Variants in GIPC2 observed in about 807,000 individuals in gnomAD.
GIPC2 encodes PDZ domain-containing protein GIPC2.
Under a neutral mutation model 30.6 loss-of-function variants are expected in GIPC2, and 30 were observed. The ratio of observed to expected loss-of-function variants is 0.98; its 90% CI spans 0.73 to 1.33. The LOEUF (loss-of-function observed/expected upper bound fraction) is 1.33. GIPC2 is among the 40% of genes most tolerant of loss of function. The pLI is 0.00. For synonymous variants in GIPC2, 167 were observed against 150.0 expected, an observed-to-expected ratio of 1.11 and a Z score of -0.83; for missense variants, 414 against 390.3, an observed-to-expected ratio of 1.06 and a Z score of -0.51.
chr1:78,051,157 C>T (rs1661190724), intron 1 of GIPC2, among the ~76,000 whole-genome samples: 1 of 151,320 alleles, frequency 6.6e-6, no homozygotes, highest in Non-Finnish European at 1.5e-5. Context: ...AAGAACCCCA[C>T]TTTGCTCAAT....
At chr1:78,069,946 C>G (rs774935021) in intron 1 of GIPC2, among the ~76,000 whole-genome samples, 1 of 152,118 alleles carries the variant, frequency 6.6e-6, no homozygotes, top group Non-Finnish European at 1.5e-5. Context: ...CTGTCTTCCC[C>G]CATCACTCCC....
At chr1:78,112,573 C>T (rs1421901478) in intron 3 of GIPC2, 13 of 518,660 alleles carry the variant, frequency 2.5e-5, no homozygotes, top group South Asian at 9.8e-5. Context: ...AACAAGGCCT[C>T]GTTCTGTGCG....
At chr1:78,048,203 G>A (rs1661130865) in intron 1 of GIPC2, among the ~76,000 whole-genome samples, 1 of 152,038 alleles carries the variant, frequency 6.6e-6, no homozygotes, top group Non-Finnish European at 1.5e-5. Context: ...TGTGTATTTT[G>A]CATTAACACT....
chr1:78,112,160 A>C (rs1000950322), intron 3 of GIPC2, among the ~76,000 whole-genome samples: 1 of 152,250 alleles, frequency 6.6e-6, no homozygotes, highest in Non-Finnish European at 1.5e-5. Context: ...CTAATCAGAA[A>C]TATTAGAACA....
At chr1:78,115,769 G>T (rs1022546887) in intron 3 of GIPC2, among the ~76,000 whole-genome samples, 1 of 152,180 alleles carries the variant, frequency 6.6e-6, no homozygotes, top group African/African-American at 2.4e-5. Flanking sequence ...TAGGTTTTTG[G>T]TTAGGCGGGG....
At chr1:78,128,906 G>T (rs551535775) in intron 5 of GIPC2, among the ~76,000 whole-genome samples, 1 of 152,132 alleles carries the variant, frequency 6.6e-6, no homozygotes, top group East Asian at 1.9e-4. Flanking sequence ...TTGAGAGTCT[G>T]AGGCAGGAGG....
intron 1 of GIPC2, among the ~76,000 whole-genome samples, chr1:78,071,417 G>T (rs1661615335): frequency 6.6e-6 from 1 of 151,544 alleles, no homozygotes; most frequent in Admixed American, 6.6e-5. Context: ...TTTATTAAAT[G>T]AACACAATAT....
intron 2 of GIPC2, among the ~76,000 whole-genome samples, chr1:78,088,230 CA>C (rs1661968102): frequency 6.6e-6 from 1 of 152,220 alleles, no homozygotes; most frequent in Non-Finnish European, 1.5e-5. Flanking sequence ...CCATTTGACT[CA>C]GCAATCCCAT....
intron 2 of GIPC2, chr1:78,092,064 C>T (rs1251273865): frequency 4.6e-6 from 7 of 1,517,192 alleles, no homozygotes; most frequent in Non-Finnish European, 6.4e-6. Flanking sequence ...TAGACCATGT[C>T]AGCTTCACCC....
upstream of GIPC2, chr1:78,045,516 G>A (rs771137028): frequency 1.0e-5 from 10 of 978,694 alleles, no homozygotes; most frequent in Non-Finnish European, 1.2e-5. Context: ...ACTCAGAGGT[G>A]CCAAGGACCC....
chr1:78,083,560 T>C (rs1661871277), intron 2 of GIPC2, among the ~76,000 whole-genome samples: 1 of 152,176 alleles, frequency 6.6e-6, no homozygotes, highest in Admixed American at 6.5e-5. Context: ...AAATTTAGTA[T>C]CTGTTGATGA....
intron 1 of GIPC2, among the ~76,000 whole-genome samples, chr1:78,071,808 T>C (rs1300240815): frequency 1.3e-5 from 2 of 152,222 alleles, no homozygotes; most frequent in Admixed American, 6.5e-5. Context: ...GAATTCTAGT[T>C]CTGACTTTGT....
intron 1 of GIPC2, among the ~76,000 whole-genome samples, chr1:78,047,616 G>C (rs1661119699): frequency 6.6e-6 from 1 of 152,070 alleles, no homozygotes; most frequent in Non-Finnish European, 1.5e-5. Context: ...CTTGGACATG[G>C]AGCCAGGTTC....
chr1:78,106,720 GC>G (rs1024379991), intron 3 of GIPC2, among the ~76,000 whole-genome samples: 2 of 152,256 alleles, frequency 1.3e-5, no homozygotes, highest in Admixed American at 1.3e-4. Context: ...CGTTCTTGTT[GC>G]CCAGGGTGGA....
chr1:78,060,845 GTAGA>G (rs750259470), intron 1 of GIPC2, among the ~76,000 whole-genome samples: 13 of 151,370 alleles, frequency 8.6e-5, no homozygotes, highest in African/African-American at 1.7e-4. Context: ...AGATAGATAG[GTAGA>G]TAGATAAACA....
rs915888184 is a variant in GIPC2 at position 78,138,411 on chromosome 1, G to C, written c.*2668G>C. On this transcript the variant is annotated 3_prime_UTR_variant, in exon 6 of 6. Coordinates refer to ENST00000370759, the MANE Select transcript of GIPC2 (RefSeq NM_017655.6). Reference sequence around the variant, plus strand: ...TGTATAATTTGCAATATTTTCCCTTGCAACTTTAGCAAATACACATATTCC... The same window carrying C: ...TGTATAATTTGCAATATTTTCCCTTCCAACTTTAGCAAATACACATATTCC... 2 of 152,112 alleles carry C rather than the reference G, an allele frequency of 1.3e-5. No homozygotes were observed. Among genetic ancestry groups the C allele is most frequent in the Non-Finnish European group, 2.9e-5 (2 of 68,032 alleles). 9.4% of individuals were successfully genotyped at this position (152,112 alleles called of 1,614,324 possible).
chr1:78,060,900 CTT>C (rs34398214), intron 1 of GIPC2, among the ~76,000 whole-genome samples: 8 of 145,376 alleles, frequency 5.5e-5, no homozygotes, highest in Admixed American at 6.9e-5. Flanking sequence ...ACTTTATCTT[CTT>C]TTTTTTTTTT....
intron 1 of GIPC2, among the ~76,000 whole-genome samples, chr1:78,047,761 C>T (rs1268730587): frequency 6.6e-6 from 1 of 152,072 alleles, no homozygotes; most frequent in Non-Finnish European, 1.5e-5. Flanking sequence ...TATCAGATTG[C>T]ATAGTTTATG....
chr1:78,068,277 T>C (rs1304309430), intron 1 of GIPC2, among the ~76,000 whole-genome samples: 1 of 152,200 alleles, frequency 6.6e-6, no homozygotes, highest in African/African-American at 2.4e-5. Context: ...TATCCAACTC[T>C]CCCCATACTC....
Sources: gnomAD v4.1 joint callset for allele counts (sites outside exome capture counted in the v4.1 genomes callset) on GRCh38, gnomAD v4.1.1 for gene constraint, MANE v1.5 for transcripts, NCBI Gene and HGNC (gene_info 2026-07-23, HGNC 2026-07-21) for gene names.